Variants in FAM78B observed in about 807,000 individuals in gnomAD.
FAM78B encodes the protein family with sequence similarity 78 member B, also known as protein FAM78B.
Under a neutral mutation model 20.0 loss-of-function variants are expected in FAM78B, and 10 were observed. The observed-to-expected ratio is 0.50, with a 90% CI of 0.31 to 0.85. FAM78B has a LOEUF of 0.85. FAM78B is among the 40% of genes least tolerant of loss of function. The probability of loss-of-function intolerance (pLI) is 0.05; values close to 1 mark genes in which losing one functional copy is unlikely to be tolerated. For missense variants in FAM78B, 283 were observed against 345.0 expected, an observed-to-expected ratio of 0.82 and a Z score of 1.42; for synonymous variants, 135 against 132.8, an observed-to-expected ratio of 1.02 and a Z score of -0.12.
intron 1 of FAM78B, among the ~76,000 whole-genome samples, chr1:166,133,978 G>C (rs1379280871): frequency 1.3e-5 from 2 of 152,184 alleles, no homozygotes; most frequent in Non-Finnish European, 2.9e-5. Context: ...ACCAACGGGA[G>C]ACTGAGAGTC....
chr1:166,099,342 A>C (rs571343068), intron 1 of FAM78B, among the ~76,000 whole-genome samples: 1 of 152,190 alleles, frequency 6.6e-6, no homozygotes, highest in Non-Finnish European at 1.5e-5. Flanking sequence ...TACAAGTTAA[A>C]AAGCAAAAAC....
At chr1:166,083,780 G>C (rs1358509203) in intron 1 of FAM78B, among the ~76,000 whole-genome samples, 1 of 143,772 alleles carries the variant, frequency 7.0e-6, no homozygotes, top group African/African-American at 2.6e-5. Context: ...GGGATTACAG[G>C]CGTGAGCCAC....
intron 1 of FAM78B, among the ~76,000 whole-genome samples, chr1:166,083,566 G>A (rs1248139153): frequency 5.9e-5 from 9 of 152,230 alleles, no homozygotes; most frequent in South Asian, 2.1e-4. Flanking sequence ...GTGCGGTGGC[G>A]CGATCTCAGC....
chr1:166,098,258 C>CAG (rs1474533354), intron 1 of FAM78B, among the ~76,000 whole-genome samples: 1 of 152,148 alleles, frequency 6.6e-6, no homozygotes. Flanking sequence ...TTCCCTTTGA[C>CAG]AGAGACTACC....
intron 1 of FAM78B, among the ~76,000 whole-genome samples, chr1:166,074,960 T>C (rs890585346): frequency 2.0e-4 from 31 of 152,288 alleles, no homozygotes; most frequent in African/African-American, 5.5e-4. Flanking sequence ...GAGATAGGCA[T>C]TCCAGGTGGG....
At position 166,069,329 on chromosome 1, in the gene FAM78B, A is replaced by G. The variant is rs1473590724; in HGVS notation, c.*912T>C. On this transcript the variant is annotated 3_prime_UTR_variant, in exon 2 of 2. Transcript: ENST00000354422. ...TGAAAATGCTGTTCTTATTTGCTGA[A>G]ATGTTCTTGAACCTTACATGGATTC... is the stretch of plus-strand genomic sequence containing the variant. Among the ~76,000 whole-genome samples the G allele has an allele frequency of 6.6e-6, 1 of 152,206 alleles. No individual in the cohort carries two copies. The highest frequency in any genetic ancestry group is 1.9e-4 in the East Asian group (1 of 5,196).
intron 1 of FAM78B, among the ~76,000 whole-genome samples, chr1:166,093,864 G>A (rs1045453450): frequency 1.3e-5 from 2 of 151,808 alleles, no homozygotes; most frequent in African/African-American, 4.8e-5. Context: ...GATGTGTCCT[G>A]ATTGGCTAGG....
chr1:166,108,359 C>T (rs1437993506), intron 1 of FAM78B, among the ~76,000 whole-genome samples: 1 of 151,946 alleles, frequency 6.6e-6, no homozygotes, highest in East Asian at 1.9e-4. Flanking sequence ...AGTGACCAAG[C>T]AAAGAATCAA....
intron 1 of FAM78B, among the ~76,000 whole-genome samples, chr1:166,113,734 T>C (rs1014756947): frequency 6.6e-6 from 1 of 152,182 alleles, no homozygotes; most frequent in Non-Finnish European, 1.5e-5. Context: ...TAAGCAGCCC[T>C]GGGCAGCAAT....
At position 166,166,115 on chromosome 1, in the gene FAM78B, T is replaced by A; in HGVS notation, c.134A>T (p.Lys45Met). 2.5e-6 allele frequency: 4 copies of A among 1,611,954 alleles called. No individual in the cohort carries two copies. In the South Asian group the frequency reaches 4.4e-5, roughly 18 times the overall value. Residue 45 changes from lysine to methionine, a missense_variant, in exon 1 of 2, where the codon AAG becomes ATG. Physicochemically the swap from Lys to Met is moderately conservative, Grantham distance 95. Transcript: ENST00000354422. ...EETSPIVLRY[K>M]TPYFKASARV... ...GGCGGAGGCTTTGAAGTAGGGGGTC[T>A]TGTAGCGCAGGACGATGGGCGAGGT...
At chr1:166,129,980 T>C (rs17423493) in intron 1 of FAM78B, among the ~76,000 whole-genome samples, 10,465 of 152,280 alleles carry the variant, frequency 0.069, 443 homozygotes, top group South Asian at 0.14. Flanking sequence ...CCTATGTGCT[T>C]TCTACCCTGG....
At position 166,106,152 on chromosome 1, in the gene FAM78B, A is replaced by T. The variant is rs973814907; in HGVS notation, c.264-35389T>A. On this transcript the variant is annotated intron_variant, in intron 1 of 1. Coordinates refer to ENST00000354422, the MANE Select transcript of FAM78B (RefSeq NM_001017961.5). ...GTTCTCACTCACAGGTGGGAATTGA[A>T]CAGTGAGAACACATGGACACAGGAA... Among the ~76,000 whole-genome samples, 5 of 145,688 alleles carry T rather than the reference A, an allele frequency of 3.4e-5. No homozygotes were observed. The Admixed American group carries it at 3.6e-4, about 10-fold the overall frequency.
intron 1 of FAM78B, chr1:166,087,427 A>C (rs1652878413): frequency 6.6e-6 from 1 of 152,212 alleles, no homozygotes. Flanking sequence ...CAACTGGAGT[A>C]AACCATGGAG....
chr1:166,161,200 TG>T (rs1299502574), intron 1 of FAM78B, among the ~76,000 whole-genome samples: 2 of 152,062 alleles, frequency 1.3e-5, no homozygotes, highest in Non-Finnish European at 2.9e-5. Flanking sequence ...TCAGCCAGGC[TG>T]GAGTGTGCAA....
intron 1 of FAM78B, among the ~76,000 whole-genome samples, chr1:166,104,622 A>C (rs1653686900): frequency 1.3e-5 from 2 of 152,234 alleles, no homozygotes; most frequent in African/African-American, 2.4e-5. Context: ...AAAGAGAATC[A>C]AATAGCTAGG....
At chr1:166,145,109 T>C (rs1655410509) in intron 1 of FAM78B, among the ~76,000 whole-genome samples, 1 of 152,198 alleles carries the variant, frequency 6.6e-6, no homozygotes, top group African/African-American at 2.4e-5. Context: ...GGGTCAGGTC[T>C]ATTCCAGTCA....
At chr1:166,090,733 C>T (rs2101736428) in intron 1 of FAM78B, among the ~76,000 whole-genome samples, 1 of 152,230 alleles carries the variant, frequency 6.6e-6, no homozygotes, top group East Asian at 1.9e-4. Flanking sequence ...AGAATTAGAG[C>T]AGATCACTTC....
chr1:166,065,931 CTGTA>C (rs1225267100), downstream of FAM78B, among the ~76,000 whole-genome samples: 7 of 152,268 alleles, frequency 4.6e-5, no homozygotes, highest in East Asian at 1.2e-3. Context: ...TGGCAGGTCT[CTGTA>C]TGTGTGTGTG....
downstream of FAM78B, among the ~76,000 whole-genome samples, chr1:166,056,747 G>A (rs192944802): frequency 6.6e-5 from 10 of 152,346 alleles, no homozygotes; most frequent in African/African-American, 1.4e-4. Flanking sequence ...AGAGATGGAA[G>A]GGCAAACTTT....
Sources: gnomAD v4.1 joint callset for allele counts (sites outside exome capture counted in the v4.1 genomes callset) on GRCh38, gnomAD v4.1.1 for gene constraint, MANE v1.5 for transcripts, NCBI Gene and HGNC (gene_info 2026-07-23, HGNC 2026-07-21) for gene names.